Variants in CHRM2 observed in about 807,000 individuals in gnomAD.
The protein encoded by CHRM2 is muscarinic acetylcholine receptor M2.
In CHRM2, 8 loss-of-function variants were observed where a neutral mutation model predicts 25.0. That is an observed-to-expected ratio of 0.32 (90% CI 0.19 to 0.58). The LOEUF is 0.58. Ranked by LOEUF, CHRM2 falls within the 20% of genes least tolerant of loss-of-function variation. The probability of loss-of-function intolerance (pLI) is 0.88; values close to 1 mark genes in which losing one functional copy is unlikely to be tolerated. For missense variants in CHRM2, 440 were observed against 567.1 expected (o/e 0.78, Z 2.28); for synonymous variants, 202 against 205.7 (o/e 0.98, Z 0.15).
At chr7:136,920,899 G>A (rs969073212) in intron 2 of CHRM2, among the ~76,000 whole-genome samples, 4 of 152,006 alleles carry the variant, frequency 2.6e-5, no homozygotes, top group Admixed American at 6.6e-5. Context: ...CCAAGGAGAC[G>A]TGTGAGAGGG....
chr7:136,886,405 T>C (rs1300568057), intron 2 of CHRM2, among the ~76,000 whole-genome samples: 1 of 152,232 alleles, frequency 6.6e-6, no homozygotes, highest in Non-Finnish European at 1.5e-5. Context: ...GCCAAAAATT[T>C]ACACCATTGC....
At chr7:136,871,714 C>T (rs780835653) in intron 2 of CHRM2, 9 of 152,194 alleles carry the variant, frequency 5.9e-5, no homozygotes, top group Non-Finnish European at 1.0e-4. Flanking sequence ...CTGATGATCA[C>T]AGGAGTAAGA....
intron 3 of CHRM2, among the ~76,000 whole-genome samples, chr7:137,003,731 G>A (rs1013810582): frequency 2.6e-5 from 4 of 152,086 alleles, no homozygotes; most frequent in Non-Finnish European, 5.9e-5. Flanking sequence ...TAGTATAATT[G>A]TTGATATGGT....
chr7:136,923,595 G>T (rs539699771), intron 2 of CHRM2, among the ~76,000 whole-genome samples: 63 of 152,228 alleles, frequency 4.1e-4, no homozygotes, highest in African/African-American at 1.4e-3. Context: ...AACCCCCAAA[G>T]CTACAGAATA....
chr7:136,972,127 C>T (rs62487061), intron 2 of CHRM2, among the ~76,000 whole-genome samples: 1 of 151,456 alleles, frequency 6.6e-6, no homozygotes, highest in Non-Finnish European at 1.5e-5. Context: ...TGTCAGTATG[C>T]CTTTTTTTTT....
At chr7:136,964,010 G>A (rs1801257449) in intron 2 of CHRM2, among the ~76,000 whole-genome samples, 1 of 152,076 alleles carries the variant, frequency 6.6e-6, no homozygotes, top group Non-Finnish European at 1.5e-5. Flanking sequence ...AGTCACTGAT[G>A]AAATCAACTG....
intron 2 of CHRM2, among the ~76,000 whole-genome samples, chr7:136,937,955 A>G (rs770842684): frequency 3.3e-5 from 5 of 152,188 alleles, no homozygotes; most frequent in Admixed American, 6.5e-5. Flanking sequence ...TGTATCAGAA[A>G]AAAAGAGCAA....
chr7:136,917,495 G>A (rs952582111), intron 2 of CHRM2, among the ~76,000 whole-genome samples: 3 of 152,004 alleles, frequency 2.0e-5, no homozygotes, highest in African/African-American at 7.2e-5. Context: ...GATCCTGAGA[G>A]ATCAACGGGC....
chr7:136,978,908 C>T (rs1802293164), intron 2 of CHRM2, among the ~76,000 whole-genome samples: 1 of 152,154 alleles, frequency 6.6e-6, no homozygotes, highest in Non-Finnish European at 1.5e-5. Context: ...CTACAATAAA[C>T]ATACGTGTGC....
In CHRM2 at chr7:137,015,803, G is replaced by T; in HGVS notation, c.938G>T (p.Gly313Val). The T allele has an allele frequency of 6.2e-7, 1 of 1,613,086 alleles. No individual in the cohort carries two copies. The highest frequency in any genetic ancestry group is 8.5e-7 in the Non-Finnish European group (1 of 1,179,430). The change falls in exon 4 of 4, where the codon GGC becomes GTC. Residue 313 changes from glycine to valine, a missense_variant. Transcript: ENST00000680005. This position sits in a 1 kb window ranked among gnomAD's most constrained non-coding sequence, Gnocchi z 5.1. ...QDENTVSTSL[G>V]HSKDENSKQT... Reference sequence around the variant, plus strand: ...GAAAACACAGTTTCCACTTCCCTGGGCCATTCCAAAGATGAGAACTCTAAG... The same window carrying T: ...GAAAACACAGTTTCCACTTCCCTGGTCCATTCCAAAGATGAGAACTCTAAG...
intron 2 of CHRM2, among the ~76,000 whole-genome samples, chr7:136,985,742 C>G (rs1449277258): frequency 6.6e-6 from 1 of 152,002 alleles, no homozygotes; most frequent in East Asian, 1.9e-4. Context: ...CCTTAAGTTC[C>G]CTAGGTAGTA....
chr7:136,970,696 T>TG, intron 2 of CHRM2, among the ~76,000 whole-genome samples: 1 of 38,472 alleles, frequency 2.6e-5, no homozygotes, highest in Non-Finnish European at 1.1e-4. Context: ...ATAATACTTC[T>TG]GAAAAAAAAG....
At chr7:136,913,027 C>A (rs1229938380) in intron 2 of CHRM2, among the ~76,000 whole-genome samples, 1 of 151,748 alleles carries the variant, frequency 6.6e-6, no homozygotes, top group East Asian at 1.9e-4. Flanking sequence ...GTAGAAAAGA[C>A]AGAAAGAAAA....
chr7:137,020,094 A>G lies in CHRM2; in HGVS notation c.*3828A>G, dbSNP rs1407802956. ...CATGCCTCTTAAAAATGCTTCTCTT[A>G]AAGGGTGCACGCTGTAGCATGAAAT... On this transcript the variant is annotated 3_prime_UTR_variant, in exon 4 of 4. Transcript: ENST00000680005. 4.0e-5 allele frequency: 6 copies of G among 151,772 alleles called. No individual in the cohort carries two copies. The highest frequency in any genetic ancestry group is 1.4e-4 in the African/African-American group (6 of 41,380). 9.4% of individuals were successfully genotyped at this position (151,772 alleles called of 1,614,324 possible). A position where few individuals can be genotyped will look rare whatever the true frequency, so the allele number is the denominator to read the frequency against.
chr7:136,999,243 A>G (rs1803817433), intron 3 of CHRM2, among the ~76,000 whole-genome samples: 2 of 152,130 alleles, frequency 1.3e-5, no homozygotes, highest in Admixed American at 6.6e-5. Flanking sequence ...GAAAGAGAGC[A>G]TCAGGATAAA....
intron 3 of CHRM2, among the ~76,000 whole-genome samples, chr7:137,011,104 T>C (rs994395062): frequency 3.3e-5 from 5 of 151,864 alleles, no homozygotes; most frequent in South Asian, 2.1e-4. Flanking sequence ...AGTGAGATAA[T>C]ACATATTTGA....
Position 137,016,238 on chromosome 7 carries a change from A to T in CHRM2, c.1373A>T (p.His458Leu). 5 of 1,612,898 alleles carry T rather than the reference A, an allele frequency of 3.1e-6. No individual in the cohort carries two copies. The highest frequency in any genetic ancestry group is 4.2e-6 in the Non-Finnish European group (5 of 1,179,218). Residue 458 changes from histidine (H) to leucine (L), a missense_variant, in exon 4 of 4, where the codon CAT becomes CTT. Physicochemically the swap from His to Leu is moderately conservative, Grantham distance 99. Around this residue, in one of 5 missense-constraint regions of CHRM2, gnomAD observed 65 missense variants for 108.9 expected, o/e 0.60. Transcript: ENST00000680005. ...ACCTTTAAACACCTTCTCATGTGTC[A>T]TTATAAGAACATAGGCGCTACAAGG... is the stretch of plus-strand genomic sequence containing the variant. ...KKTFKHLLMC[H>L]YKNIGATR
rs1805237804 is a variant in CHRM2 at position 137,017,223 on chromosome 7, T to A, written c.*957T>A. The A allele has an allele frequency of 6.6e-6, 1 of 151,954 alleles. No homozygotes were observed. Among genetic ancestry groups the A allele is most frequent in the Admixed American group, 6.6e-5 (1 of 15,232 alleles). The allele number at this position is 151,954 out of a possible 1,614,324, so 9.4% of individuals were successfully genotyped here. ...AAAGTTGAGGTTTCATCAAATTAAA[T>A]AATGGACTATCTAGTTGGACCAAGT... On this transcript the variant is annotated 3_prime_UTR_variant, in exon 4 of 4. Coordinates refer to ENST00000680005, the MANE Select transcript of CHRM2 (RefSeq NM_001006630.2).
intron 2 of CHRM2, among the ~76,000 whole-genome samples, chr7:136,895,829 A>G (rs1796873917): frequency 6.6e-6 from 1 of 152,194 alleles, no homozygotes; most frequent in Non-Finnish European, 1.5e-5. Flanking sequence ...GGTATGTAAA[A>G]TTTGATGCTT....
Sources: gnomAD v4.1 joint callset for allele counts (sites outside exome capture counted in the v4.1 genomes callset) on GRCh38, gnomAD v4.1.1 for gene constraint, gnomAD v4.1.1 regional missense constraint, Gnocchi (gnomAD v3.1) non-coding constraint, MANE v1.5 for transcripts, NCBI Gene and HGNC (gene_info 2026-07-23, HGNC 2026-07-21) for gene names.